CTNNA3: variants seen among roughly 807,000 people sequenced by gnomAD.
CTNNA3 encodes the protein catenin alpha 3, also known as catenin alpha-3.
In CTNNA3, 76 loss-of-function variants were observed where a neutral mutation model predicts 95.7. That is an observed-to-expected ratio of 0.79 (90% CI 0.66 to 0.96). The LOEUF (loss-of-function observed/expected upper bound fraction) is 0.96, where lower values mean the gene tolerates loss of function less well. Among genes scored for constraint, CTNNA3 ranks in the 40% least tolerant of loss-of-function variants. The pLI, the probability that CTNNA3 is intolerant of heterozygous loss-of-function variation, is 0.00. For missense variants in CTNNA3, 1,191 were observed against 1,089.8 expected, an observed-to-expected ratio of 1.09 and a Z score of -1.31; for synonymous variants, 431 against 374.4, an observed-to-expected ratio of 1.15 and a Z score of -1.74.
intron 8 of CTNNA3, among the ~76,000 whole-genome samples, chr10:66,772,484 T>C (rs1425397429): frequency 6.7e-6 from 1 of 149,086 alleles, no homozygotes; most frequent in Non-Finnish European, 1.5e-5. Context: ...GTTGGTGTGA[T>C]GAGGAGGACA....
chr10:66,963,933 C>A (rs1393805407), intron 7 of CTNNA3, among the ~76,000 whole-genome samples: 1 of 151,828 alleles, frequency 6.6e-6, no homozygotes, highest in Non-Finnish European at 1.5e-5. Context: ...ACCTCCAACT[C>A]CCTGGTTCAA....
Position 67,113,420 on chromosome 10 carries a change from C to T in CTNNA3, c.1047+66897G>A, listed in dbSNP as rs571405693. On this transcript the variant is annotated intron_variant, in intron 7 of 17. Coordinates refer to ENST00000433211, the MANE Select transcript of CTNNA3 (RefSeq NM_013266.4). ...AACCCACAGATACACACTCACACAG[C>T]ACGCCACTCTTCTCATATGCTGTTG... 2.6e-5 allele frequency among the ~76,000 whole-genome samples: 4 copies of T among 152,252 alleles called. No individual in the cohort carries two copies. In the East Asian group the frequency reaches 7.7e-4, roughly 29 times the overall value.
chr10:67,137,666 AGC>A (rs1860362332), intron 7 of CTNNA3, among the ~76,000 whole-genome samples: 1 of 152,212 alleles, frequency 6.6e-6, no homozygotes, highest in African/African-American at 2.4e-5. Context: ...CCTTTGTCAT[AGC>A]CACTGAATAG....
At chr10:66,765,499 T>C (rs1053342200) in intron 9 of CTNNA3, among the ~76,000 whole-genome samples, 3 of 152,196 alleles carry the variant, frequency 2.0e-5, no homozygotes, top group Non-Finnish European at 4.4e-5. Context: ...CTGAGATCTA[T>C]GGATCTAGTA....
At chr10:67,062,132 A>C (rs969214650) in intron 7 of CTNNA3, among the ~76,000 whole-genome samples, 6 of 152,194 alleles carry the variant, frequency 3.9e-5, no homozygotes, top group Non-Finnish European at 7.3e-5. Context: ...AGGATCATAT[A>C]ACAAAGTTTG....
chr10:66,003,709 T>A (rs1394140309), intron 15 of CTNNA3, among the ~76,000 whole-genome samples: 1 of 152,236 alleles, frequency 6.6e-6, no homozygotes, highest in African/African-American at 2.4e-5. Flanking sequence ...TTTATAAGTC[T>A]GAAGATTTAA....
Position 66,689,979 on chromosome 10 carries a change from T to C in CTNNA3, c.1282-68195A>G, listed in dbSNP as rs1417235822. On this transcript the variant is annotated intron_variant, in intron 9 of 17. Transcript: ENST00000433211. The stretch of plus-strand genomic sequence containing the variant: ...ACTTGTTTTAATATTTTGGGAAATT[T>C]CTGAAAATAGAACAAAGAGGATAGC... Among the ~76,000 whole-genome samples, 5 of 152,090 alleles carry C rather than the reference T, an allele frequency of 3.3e-5. No individual in the cohort carries two copies. In the South Asian group the frequency reaches 6.2e-4, roughly 19 times the overall value.
At chr10:66,961,742 TA>T (rs1372863254) in intron 7 of CTNNA3, among the ~76,000 whole-genome samples, 1 of 152,144 alleles carries the variant, frequency 6.6e-6, no homozygotes, top group Non-Finnish European at 1.5e-5. Context: ...AAATGTCTAT[TA>T]CTCCTTGAGG....
intron 9 of CTNNA3, among the ~76,000 whole-genome samples, chr10:66,645,585 G>A (rs1283424025): frequency 1.3e-5 from 2 of 152,136 alleles, no homozygotes; most frequent in Non-Finnish European, 2.9e-5. Context: ...CTGGGCCACA[G>A]ACAACTACCA....
chr10:65,961,953 G>A (rs2077853426), intron 17 of CTNNA3, among the ~76,000 whole-genome samples: 1 of 152,056 alleles, frequency 6.6e-6, no homozygotes, highest in Non-Finnish European at 1.5e-5. Context: ...AAAGACAAAA[G>A]TGCCTGATTC....
chr10:67,526,114 A>G (rs1406079951), intron 4 of CTNNA3, among the ~76,000 whole-genome samples: 4 of 152,346 alleles, frequency 2.6e-5, no homozygotes, highest in Admixed American at 6.5e-5. Flanking sequence ...TAATACCTAG[A>G]GTAAAAAGAA....
At chr10:67,214,747 T>C (rs1864276938) in intron 6 of CTNNA3, among the ~76,000 whole-genome samples, 1 of 152,028 alleles carries the variant, frequency 6.6e-6, no homozygotes, top group South Asian at 2.1e-4. Context: ...AGTTATTTTC[T>C]CTGAGAATGA....
chr10:66,931,749 G>A (rs1285146279), intron 7 of CTNNA3, among the ~76,000 whole-genome samples: 1 of 152,062 alleles, frequency 6.6e-6, no homozygotes, highest in African/African-American at 2.4e-5. Context: ...TTATAGTAAT[G>A]CTGGAACAGA....
At chr10:66,300,941 TA>T (rs199946710) in intron 12 of CTNNA3, among the ~76,000 whole-genome samples, 4 of 149,314 alleles carry the variant, frequency 2.7e-5, no homozygotes, top group East Asian at 2.0e-4. Flanking sequence ...CCAGGTTAAC[TA>T]AAAAAAAAGA....
chr10:66,381,026 C>T lies in CTNNA3; in HGVS notation c.1532-1674G>A, dbSNP rs1248571052. ...GAAGGTTAACAAGGATATCCAGGAC[C>T]TGAACTCAGCTCTGCAACAAGCAGA... On this transcript the variant is annotated intron_variant, in intron 11 of 17. Coordinates refer to ENST00000433211, the MANE Select transcript of CTNNA3 (RefSeq NM_013266.4). Among the ~76,000 whole-genome samples the T allele has an allele frequency of 2.0e-5, 3 of 152,048 alleles. No homozygotes were observed. In the South Asian group the frequency reaches 6.2e-4, roughly 32 times the overall value.
intron 1 of CTNNA3, among the ~76,000 whole-genome samples, chr10:67,650,085 C>A (rs544058369): frequency 6.6e-6 from 1 of 152,118 alleles, no homozygotes; most frequent in Admixed American, 6.5e-5. Flanking sequence ...GTGATCCGCC[C>A]GCCTCACCCT....
chr10:66,758,009 A>G (rs1419422595), intron 9 of CTNNA3, among the ~76,000 whole-genome samples: 7 of 151,930 alleles, frequency 4.6e-5, no homozygotes, highest in Non-Finnish European at 8.8e-5. Flanking sequence ...TAAATATTTT[A>G]TTTTCCTTTA....
At chr10:67,300,371 A>G (rs1840217840) in intron 5 of CTNNA3, among the ~76,000 whole-genome samples, 1 of 152,212 alleles carries the variant, frequency 6.6e-6, no homozygotes, top group Non-Finnish European at 1.5e-5. Context: ...CATAACCTAC[A>G]GTCATCTCCT....
At chr10:66,596,981 T>C (rs1314038595) in intron 10 of CTNNA3, among the ~76,000 whole-genome samples, 1 of 146,102 alleles carries the variant, frequency 6.8e-6, no homozygotes, top group African/African-American at 2.5e-5. Context: ...AACAAAAAGA[T>C]GGAAACATAT....
Sources: gnomAD v4.1 joint callset for allele counts (sites outside exome capture counted in the v4.1 genomes callset) on GRCh38, gnomAD v4.1.1 for gene constraint, MANE v1.5 for transcripts, NCBI Gene and HGNC (gene_info 2026-07-23, HGNC 2026-07-21) for gene names.